HAS3: variants seen among roughly 807,000 people sequenced by gnomAD.
The protein encoded by HAS3 is hyaluronan synthase 3.
Under a neutral mutation model 50.3 loss-of-function variants are expected in HAS3, and 27 were observed. The observed-to-expected ratio is 0.54, with a 90% CI of 0.40 to 0.74. The LOEUF (loss-of-function observed/expected upper bound fraction) is 0.74. HAS3 is among the 30% of genes least tolerant of loss of function. HAS3 has a pLI of 0.00. For missense variants in HAS3, 517 were observed against 742.8 expected (o/e 0.70, Z 3.53); for synonymous variants, 339 against 310.9 (o/e 1.09, Z -0.95).
Position 69,114,476 on chromosome 16 carries a change from G to T in HAS3, c.872G>T (p.Arg291Leu), listed in dbSNP as rs953908448. 1 of 1,613,814 alleles carries T rather than the reference G, an allele frequency of 6.2e-7. No individual in the cohort carries two copies. Among genetic ancestry groups the T allele is most frequent in the African/African-American group, 1.3e-5 (1 of 74,912 alleles). Reference sequence around the variant, plus strand: ...ATTAGTGGGCCCTTGGGCATGTACCGCAACAGCCTCCTCCAGCAGTTCCTG... The same window carrying T: ...ATTAGTGGGCCCTTGGGCATGTACCTCAACAGCCTCCTCCAGCAGTTCCTG... ...QCISGPLGMY[R>L]NSLLQQFLED... The change falls in exon 4 of 4, where the codon CGC becomes CTC. Residue 291 changes from arginine to leucine, a missense_variant. By Grantham distance (102) the Arg-to-Leu change is moderately radical (BLOSUM62 -2). Transcript: ENST00000569188. This position sits in a 1 kb window ranked among gnomAD's most constrained non-coding sequence, Gnocchi z 6.4.
rs1042932743 is a variant in HAS3, at chr16:69,117,484, A to G, written c.*2218A>G. ...CTTGCAAGGGAAGAGCCTTTATACA[A>G]TTGGACGCATTTTGGTTTTTCCTCA... On this transcript the variant is annotated 3_prime_UTR_variant, in exon 4 of 4. Transcript: ENST00000569188. 2 of 984,226 alleles carry G rather than the reference A, an allele frequency of 2.0e-6. No homozygotes were observed. The highest frequency in any genetic ancestry group is 2.4e-6 in the Non-Finnish European group (2 of 828,746). The allele number at this position is 984,226 out of a possible 1,614,324, so 61.0% of individuals were successfully genotyped here.
the HAS3 span, among the ~76,000 whole-genome samples, chr16:69,086,433 G>A: frequency 6.6e-6 from 1 of 151,538 alleles, no homozygotes; most frequent in African/African-American, 2.4e-5. Context: ...CAAAGCACTG[G>A]GTTTATAGGT....
At chr16:69,105,495 T>C (rs926156146), upstream of HAS3, 1 of 152,170 alleles carries the variant, frequency 6.6e-6, no homozygotes, top group Admixed American at 6.5e-5. Flanking sequence ...AGAGGAGGAA[T>C]TGTTTTGGCT....
the HAS3 span, chr16:69,085,071 C>A: frequency 7.9e-5 from 12 of 152,294 alleles, no homozygotes; most frequent in Non-Finnish European, 1.5e-4. Flanking sequence ...TTTCTATTCT[C>A]CAAATCAAGG....
At position 69,109,256 on chromosome 16, in the gene HAS3, C is replaced by A; in HGVS notation, c.1-140C>A. The stretch of plus-strand genomic sequence containing the variant: ...AACCCCAGTAGTCTGGCTTCTGAGT[C>A]TACCAAGTCTTATGCTCAGTAAGCG... On this transcript the variant is annotated intron_variant, in intron 1 of 3. Coordinates refer to ENST00000569188, the MANE Select transcript of HAS3 (RefSeq NM_001199280.2). The surrounding 1 kb of genome is among the most constrained non-coding windows in gnomAD (Gnocchi z 5.3). The A allele has an allele frequency of 1.2e-6, 1 of 820,086 alleles. No homozygotes were observed. The allele number at this position is 820,086 out of a possible 1,614,324, so 50.8% of individuals were successfully genotyped here.
rs1306139578 is a variant in HAS3 at position 69,109,328 on chromosome 16, C to A, written c.1-68C>A. ...TCATGTCCACTAGTAACAGAGAACA[C>A]CCATGCTCCCACGGACTGGAAATGC... On this transcript the variant is annotated intron_variant, in intron 1 of 3. Coordinates refer to ENST00000569188, the MANE Select transcript of HAS3 (RefSeq NM_001199280.2). The surrounding 1 kb of genome is among the most constrained non-coding windows in gnomAD (Gnocchi z 5.3). 11 of 1,486,372 alleles carry A rather than the reference C, an allele frequency of 7.4e-6. No individual in the cohort carries two copies. In the African/African-American group the frequency reaches 1.1e-4, roughly 15 times the overall value. The allele number at this position is 1,486,372 out of a possible 1,614,324, so 92.1% of individuals were successfully genotyped here.
chr16:69,089,310 T>G, the HAS3 span, among the ~76,000 whole-genome samples: 1 of 152,192 alleles, frequency 6.6e-6, no homozygotes, highest in South Asian at 2.1e-4. Flanking sequence ...CAGATAAGCT[T>G]CTGCAGTCTT....
In HAS3 at chr16:69,115,993, A is replaced by T. The variant is rs1391996578; in HGVS notation, c.*727A>T. ...CTAAAGGAGGCCATAAGCTACACAG[A>T]GGCCTTGGGTGTTCCACCTGGAAAC... On this transcript the variant is annotated 3_prime_UTR_variant, in exon 4 of 4. Coordinates refer to ENST00000569188, the MANE Select transcript of HAS3 (RefSeq NM_001199280.2). 3 of 985,652 alleles carry T rather than the reference A, an allele frequency of 3.0e-6. No individual in the cohort carries two copies. In the African/African-American group the frequency reaches 5.2e-5, roughly 17 times the overall value. The allele number at this position is 985,652 out of a possible 1,614,324, so 61.1% of individuals were successfully genotyped here.
At chr16:69,112,288 T>A (rs1420331009) in intron 2 of HAS3, among the ~76,000 whole-genome samples, 1 of 152,242 alleles carries the variant, frequency 6.6e-6, no homozygotes, top group African/African-American at 2.4e-5. Context: ...TAGTCTGGCC[T>A]GAGGCTTCCT....
the HAS3 span, among the ~76,000 whole-genome samples, chr16:69,093,823 CCCGGCCTACAGTGTAT>C: frequency 6.6e-6 from 1 of 152,170 alleles, no homozygotes; most frequent in East Asian, 1.9e-4. Context: ...AGCCACTGCG[CCCGGCCTACAGTGTAT>C]CATTTTTAAC....
chr16:69,103,246 C>A (rs758843924), upstream of HAS3, among the ~76,000 whole-genome samples: 4 of 152,180 alleles, frequency 2.6e-5, no homozygotes, highest in Non-Finnish European at 5.9e-5. Flanking sequence ...TGCTTATTTT[C>A]TCTGATGTTG....
the HAS3 span, chr16:69,083,756 C>A: frequency 7.3e-7 from 1 of 1,372,514 alleles, no homozygotes; most frequent in Non-Finnish European, 9.8e-7. Context: ...CTCTTGAGTG[C>A]TGGCAGCATG....
chr16:69,100,063 C>G, the HAS3 span, among the ~76,000 whole-genome samples: 11,868 of 152,224 alleles, frequency 0.078, 507 homozygotes, highest in Non-Finnish European at 0.095. Flanking sequence ...TGAAACGATT[C>G]TTCCATCAAA....
chr16:69,095,200 G>T, the HAS3 span, among the ~76,000 whole-genome samples: 3 of 152,096 alleles, frequency 2.0e-5, no homozygotes, highest in African/African-American at 7.2e-5. Flanking sequence ...GGCCAGGCTG[G>T]TCTTGAACTC....
the HAS3 span, among the ~76,000 whole-genome samples, chr16:69,096,215 CAAAAAAAAAAAA>C: frequency 1.7e-5 from 1 of 58,110 alleles, no homozygotes; most frequent in Non-Finnish European, 3.3e-5. Context: ...GACTCCGTCT[CAAAAAAAAAAAA>C]AAAAAAAAGA....
chr16:69,109,653 G>A lies in HAS3; in HGVS notation c.258G>A (p.Ser86=), dbSNP rs200842834. 108 of 1,609,938 alleles carry A rather than the reference G, an allele frequency of 6.7e-5. 1 individual carries two copies. Among genetic ancestry groups the A allele is most frequent in the Admixed American group, 5.2e-4 (31 of 60,010 alleles). ...ALKLPSPRRG[S]VALCIAAYQE... ...AGCTGCCCTCCCCGCGGCGGGGCTC[G>A]GTGGCACTGTGCATTGCCGCATACC... is the stretch of plus-strand genomic sequence containing the variant. The change falls in exon 2 of 4, where the codon TCG becomes TCA. Residue 86 remains serine (S), a synonymous_variant. Coordinates refer to ENST00000569188, the MANE Select transcript of HAS3 (RefSeq NM_001199280.2). The surrounding 1 kb of genome is among the most constrained non-coding windows in gnomAD (Gnocchi z 5.3).
chr16:69,100,111 C>T, the HAS3 span, among the ~76,000 whole-genome samples: 3 of 152,250 alleles, frequency 2.0e-5, no homozygotes, highest in African/African-American at 7.2e-5. Flanking sequence ...ACCATTCTAA[C>T]GGCAGCACAG....
rs1960780729 is a variant in HAS3 at position 69,106,060 on chromosome 16, G to A, written c.-1+273G>A. On this transcript the variant is annotated intron_variant, in intron 1 of 3. Transcript: ENST00000569188. This position sits in a 1 kb window ranked among gnomAD's most constrained non-coding sequence, Gnocchi z 5.5. ...CCACCCGGGACTAGGCGTCCCCGCC[G>A]AGCGCTGGCTTGTGGCGCTCCCTGG... Among the ~76,000 whole-genome samples, 1 of 152,118 alleles carries A rather than the reference G, an allele frequency of 6.6e-6. No homozygotes were observed. The highest frequency in any genetic ancestry group is 6.5e-5 in the Admixed American group (1 of 15,284).
Position 69,115,166 on chromosome 16 carries a change from G to A in HAS3, c.1562G>A (p.Gly521Asp). The A allele has an allele frequency of 6.3e-7, 1 of 1,598,058 alleles. No individual in the cohort carries two copies. Among genetic ancestry groups the A allele is most frequent in the Non-Finnish European group, 8.5e-7 (1 of 1,171,370 alleles). The change falls in exon 4 of 4, where the codon GGC becomes GAC. Residue 521 changes from glycine to aspartate, a missense_variant. Gly to Asp is a moderately conservative substitution (Grantham distance 94). Coordinates refer to ENST00000569188, the MANE Select transcript of HAS3 (RefSeq NM_001199280.2). ...CTTGTCTCTGGGGCTATACTGTATG[G>A]CTGCTACTGGGTGGCCCTCCTCATG... ...AFLVSGAILY[G>D]CYWVALLMLY... is the part of the protein sequence containing the mutation.
Sources: gnomAD v4.1 joint callset for allele counts (sites outside exome capture counted in the v4.1 genomes callset) on GRCh38, gnomAD v4.1.1 for gene constraint, Gnocchi (gnomAD v3.1) non-coding constraint, MANE v1.5 for transcripts, NCBI Gene and HGNC (gene_info 2026-07-23, HGNC 2026-07-21) for gene names.